FBN3: variants seen among roughly 807,000 people sequenced by gnomAD.
FBN3 encodes fibrillin 3, also known as fibrillin-3.
Under a neutral mutation model 330.1 loss-of-function variants are expected in FBN3, and 234 were observed. The observed-to-expected ratio is 0.71, with a 90% CI of 0.64 to 0.79. The LOEUF (loss-of-function observed/expected upper bound fraction) is 0.79, where lower values mean the gene tolerates loss of function less well. FBN3 is among the 30% of genes least tolerant of loss of function. FBN3 has a pLI of 0.00. For synonymous variants in FBN3, 1,458 were observed against 1,517.3 expected (o/e 0.96, Z 0.91); for missense variants, 3,606 against 3,886.9 (o/e 0.93, Z 1.92).
chr19:8,147,257 C>T, intron 2 of FBN3, 57 bp downstream of exon 2: 2 of 1,563,632 alleles, frequency 1.3e-6, no homozygotes, highest in South Asian at 2.3e-5. Context: ...TTCCGCTGGC[C>T]CCAGGACAGC....
At chr19:8,080,834 C>G (rs1446865719) in intron 59 of FBN3, among the ~76,000 whole-genome samples, 169 bp downstream of exon 59, 6 of 152,136 alleles carry the variant, frequency 3.9e-5, no homozygotes, top group Non-Finnish European at 5.9e-5. Flanking sequence ...GTTGGCCAGG[C>G]TGGTCTTGAA....
At chr19:8,095,631 C>A in intron 45 of FBN3, 128 bp from the exon 46 acceptor site, 1 of 941,362 alleles carries the variant, frequency 1.1e-6, no homozygotes, top group Admixed American at 2.7e-5. Flanking sequence ...CATGTATAGA[C>A]TATGTATATT....
rs760072153 is a variant in FBN3, at chr19:8,111,662, C to T, written c.4070G>A (p.Gly1357Asp). Reference sequence around the variant, plus strand: ...TCTAATCTCACCTTCGCAGAAGAAGCCATCCCCGGCAAAGCCCTGGCGGCA... The same window carrying T: ...TCTAATCTCACCTTCGCAGAAGAAGTCATCCCCGGCAAAGCCCTGGCGGCA... ...CTCRQGFAGD[G>D]FFCEDRDECA... Residue 1357 changes from glycine (G) to aspartate (D), a missense_variant, in exon 32 of 64, where the codon GGC (glycine) becomes GAC (aspartate). By Grantham distance (94) the Gly-to-Asp change is moderately conservative. Coordinates refer to ENST00000600128, the MANE Select transcript of FBN3 (RefSeq NM_032447.5). The T allele has an allele frequency of 1.3e-5, 21 of 1,599,328 alleles. No homozygotes were observed. The highest frequency in any genetic ancestry group is 1.3e-5 in the Non-Finnish European group (15 of 1,170,890).
At chr19:8,104,348 G>A (rs1392579596) in intron 38 of FBN3, among the ~76,000 whole-genome samples, 8 of 151,794 alleles carry the variant, frequency 5.3e-5, no homozygotes, top group Non-Finnish European at 1.0e-4. Flanking sequence ...GCACACGCCT[G>A]TGGTCCCAGC....
intron 30 of FBN3, among the ~76,000 whole-genome samples, chr19:8,113,879 G>A (rs75881020): frequency 0.073 from 10,933 of 150,206 alleles, 519 homozygotes; most frequent in Middle Eastern, 0.12. Context: ...GTGGCGGCAC[G>A]TGTGGGAGGC....
rs1338662287 is a variant in FBN3 at position 8,086,241 on chromosome 19, T to C, written c.6839A>G (p.Asp2280Gly). ...GGTGGGGCTGGGCTGGAATCCCTCA[T>C]CACAGTCGCACCGGAAGCTGCCCGC... ...NTAGSFRCDC[D>G]EGFQPSPTLT... The change falls in exon 55 of 64, where the codon GAT becomes GGT. Residue 2280 changes from aspartate (D) to glycine (G), a missense_variant. Asp to Gly is a moderately conservative substitution (Grantham distance 94, BLOSUM62 -1). Coordinates refer to ENST00000600128, the MANE Select transcript of FBN3 (RefSeq NM_032447.5). The C allele has an allele frequency of 3.1e-6, 5 of 1,609,372 alleles. No homozygotes were observed. Among genetic ancestry groups the C allele is most frequent in the Non-Finnish European group, 4.2e-6 (5 of 1,177,552 alleles).
At chr19:8,079,001 G>A (rs8107185) in intron 59 of FBN3, among the ~76,000 whole-genome samples, 1 of 151,754 alleles carries the variant, frequency 6.6e-6, no homozygotes, top group Non-Finnish European at 1.5e-5. Flanking sequence ...GGCTGGTCTC[G>A]AACTCCTGGC....
chr19:8,099,076 C>G (rs1309634738), intron 41 of FBN3, among the ~76,000 whole-genome samples: 5 of 152,002 alleles, frequency 3.3e-5, no homozygotes, highest in African/African-American at 1.2e-4. Context: ...ACCAACATGT[C>G]AAGCATTACA....
chr19:8,125,745 T>A (rs1479796231), intron 22 of FBN3, 147 bp downstream of exon 22: 1 of 824,778 alleles, frequency 1.2e-6, no homozygotes. Flanking sequence ...GAGCCGAGAT[T>A]GCGCCACTGC....
chr19:8,089,940 G>T lies in FBN3; in HGVS notation c.6204C>A (p.Cys2068Ter). The T allele has an allele frequency of 6.2e-7, 1 of 1,610,166 alleles. No homozygotes were observed. The highest frequency in any genetic ancestry group is 8.5e-7 in the Non-Finnish European group (1 of 1,178,784). ...QEGSAAFQEL[C>*]PFGHGAVPGP... ...CTGGGACTGCCCCGTGGCCAAAGGG[G>T]CAGAGCTCCTGAAAGGCAGCTGGAC... The change falls in exon 50 of 64, where the codon TGC becomes TGA. Residue 2068 changes from cysteine to a stop codon, truncating the protein, a stop_gained. Transcript: ENST00000600128. LOFTEE classifies it high-confidence loss of function.
At chr19:8,106,837 G>A (rs979717682) in intron 37 of FBN3, among the ~76,000 whole-genome samples, 6 of 151,060 alleles carry the variant, frequency 4.0e-5, no homozygotes, top group African/African-American at 1.5e-4. Flanking sequence ...GGGTGGATGG[G>A]AAATGGGTGG....
rs563052098 is a variant in FBN3 at position 8,131,821 on chromosome 19, C to G, written c.1723G>C (p.Glu575Gln). The G allele has an allele frequency of 1.3e-6, 2 of 1,591,956 alleles. No homozygotes were observed. Among genetic ancestry groups the G allele is most frequent in the South Asian group, 2.2e-5 (2 of 89,020 alleles). Reference sequence around the variant, plus strand: ...ACGCAGATGCCGGGCGTCTGGCACTCGTCAATGTCTGCAGAAGCAGTGGCG... The same window carrying G: ...ACGCAGATGCCGGGCGTCTGGCACTGGTCAATGTCTGCAGAAGCAGTGGCG... The part of the protein sequence containing the change: ...PGGHYCMDID[E>Q]CQTPGICVNG... Residue 575 changes from glutamate (E) to glutamine (Q), a missense_variant, in exon 15 of 64, where the codon GAG becomes CAG. Glu to Gln is a conservative substitution (Grantham distance 29). Transcript: ENST00000600128. The surrounding 1 kb of genome is among the most constrained non-coding windows in gnomAD (Gnocchi z 4.5).
intron 12 of FBN3, 29 bp from the exon 13 acceptor site, chr19:8,136,115 A>T (rs1568449069): frequency 6.2e-7 from 1 of 1,612,666 alleles, no homozygotes; most frequent in South Asian, 1.1e-5. Flanking sequence ...GGCAGTCAAG[A>T]GGTGCTCCCC....
At chr19:8,107,017 G>C (rs180964365) in intron 37 of FBN3, among the ~76,000 whole-genome samples, 3 of 150,716 alleles carry the variant, frequency 2.0e-5, no homozygotes, top group Admixed American at 6.6e-5. Context: ...TGAAGGATGG[G>C]GGGTGGATGG....
In FBN3 at chr19:8,096,401, A is replaced by G; in HGVS notation, c.5539+43T>C. On this transcript the variant is annotated intron_variant, in intron 44 of 63. Transcript: ENST00000600128. This position sits in a 1 kb window ranked among gnomAD's most constrained non-coding sequence, Gnocchi z 4.6. ...CCATCCCAGGGGAGGTTTAGACCCCAGGCAGCCTGGCTTGAAAAGGAGGGG... is the reference window on the plus strand; with the variant it reads ...CCATCCCAGGGGAGGTTTAGACCCCGGGCAGCCTGGCTTGAAAAGGAGGGG... The G allele has an allele frequency of 6.3e-7, 1 of 1,594,018 alleles. No homozygotes were observed.
intron 5 of FBN3, 105 bp from the exon 6 acceptor site, chr19:8,145,077 G>A: frequency 9.6e-7 from 1 of 1,042,470 alleles, no homozygotes; most frequent in South Asian, 1.4e-5. Context: ...TCTGGCCCAG[G>A]TTGAATAAGA....
intron 13 of FBN3, among the ~76,000 whole-genome samples, chr19:8,135,491 T>C (rs947270895): frequency 4.7e-5 from 4 of 84,334 alleles, no homozygotes; most frequent in African/African-American, 2.8e-4. Flanking sequence ...TTGGTCAGGC[T>C]GGTCTCGAAC....
intron 20 of FBN3, 26 bp downstream of exon 20, chr19:8,126,442 C>A: frequency 6.2e-7 from 1 of 1,605,014 alleles, no homozygotes; most frequent in East Asian, 2.3e-5. Flanking sequence ...CCATGGGTGC[C>A]TGGGAGGCCT....
intron 30 of FBN3, among the ~76,000 whole-genome samples, 195 bp from the exon 31 acceptor site, chr19:8,112,294 T>C (rs1211418914): frequency 2.0e-5 from 3 of 152,020 alleles, no homozygotes; most frequent in African/African-American, 7.2e-5. Context: ...GACATGACTC[T>C]CAGCAGCCCT....
Sources: gnomAD v4.1 joint callset for allele counts (sites outside exome capture counted in the v4.1 genomes callset) on GRCh38, gnomAD v4.1.1 for gene constraint, Gnocchi (gnomAD v3.1) non-coding constraint, MANE v1.5 for transcripts, NCBI Gene and HGNC (gene_info 2026-07-23, HGNC 2026-07-21) for gene names.